The following SPATA22 variants were observed in gnomAD, a reference collection of about 807,000 sequenced individuals.
SPATA22 encodes spermatogenesis-associated protein 22.
In SPATA22, 29 loss-of-function variants were observed where a neutral mutation model predicts 47.8. The ratio of observed to expected loss-of-function variants is 0.61; its 90% confidence interval spans 0.45 to 0.83. The LOEUF is 0.83. SPATA22 is among the 40% of genes least tolerant of loss of function. SPATA22 has a pLI of 0.00. For missense variants in SPATA22, 410 were observed against 421.7 expected (o/e 0.97, Z 0.24); for synonymous variants, 133 against 140.9 (o/e 0.94, Z 0.40).
At chr17:3,465,154 TG>T (rs779866163) in intron 3 of SPATA22, among the ~76,000 whole-genome samples, 3 of 117,536 alleles carry the variant, frequency 2.6e-5, no homozygotes, top group Admixed American at 8.2e-5. Context: ...GGGAGGGAGG[TG>T]GGGGGGTCAG....
In SPATA22 at chr17:3,471,682, A is replaced by G. The variant is rs1452572738; in HGVS notation, c.-74T>C. ...TGGGGGCAGTTTGGTATCAACGCAC[A>G]GTCTTTCCCTTCTAGGCCCTCCTGC... On this transcript the variant is annotated splice_region_variant and 5_prime_UTR_variant, in exon 1 of 9. Transcript: ENST00000572969. The G allele has an allele frequency of 1.0e-6, 1 of 984,518 alleles. No homozygotes were observed. 61.0% of individuals were successfully genotyped at this position (984,518 alleles called of 1,614,324 possible).
rs2073629527 is a variant in SPATA22, at chr17:3,481,630, T to C, written c.-73-12232A>G. On this transcript the variant is annotated intron_variant, in intron 1 of 8. Transcript: ENST00000541913. Reference sequence around the variant, plus strand: ...AAAAAATGTCAGAAGATTTGCCATATGAAGTGAGAAGGGCTCAAGAAATAA... The same window carrying C: ...AAAAAATGTCAGAAGATTTGCCATACGAAGTGAGAAGGGCTCAAGAAATAA... 6.2e-7 allele frequency: 1 copy of C among 1,613,692 alleles called. No homozygotes were observed. The highest frequency in any genetic ancestry group is 1.3e-5 in the African/African-American group (1 of 74,928).
intron 1 of SPATA22, 24 bp downstream of exon 1, chr17:3,471,657 TG>T: frequency 1.0e-6 from 1 of 983,878 alleles, no homozygotes. Context: ...GCCCACGGAG[TG>T]GGGGCAGTTT....
chr17:3,476,125 G>A, upstream of SPATA22: 1 of 1,581,560 alleles, frequency 6.3e-7, no homozygotes, highest in Admixed American at 1.7e-5. Flanking sequence ...TCTCTCTTCT[G>A]AATTGCAGAA....
At chr17:3,446,219 G>A (rs1341364348) in intron 7 of SPATA22, among the ~76,000 whole-genome samples, 2 of 152,052 alleles carry the variant, frequency 1.3e-5, no homozygotes, top group Admixed American at 6.6e-5. Context: ...GCCATATAAG[G>A]TAGCATTCAC....
intron 1 of SPATA22, chr17:3,512,649 C>T (rs2074128527): frequency 6.6e-6 from 1 of 152,014 alleles, no homozygotes; most frequent in Non-Finnish European, 1.5e-5. Context: ...GCCCCAGTCA[C>T]CTGGAAAATC....
At position 3,443,231 on chromosome 17, in the gene SPATA22, C is replaced by A; in HGVS notation, c.843G>T (p.Ser281=). The change falls in exon 8 of 9, where the codon TCG becomes TCT. Residue 281 remains serine (S), a synonymous_variant. Transcript: ENST00000572969. The part of the protein sequence containing the change: ...DSAVTPGPYY[S]KTFLMRDGKN... ...TCCCATCCCTCATAAGAAAAGTCTT[C>A]GAATAATATGGGCCAGGTGTAACAG... 6.2e-7 allele frequency: 1 copy of A among 1,610,154 alleles called. No individual in the cohort carries two copies.
chr17:3,450,660 C>G (rs541474485), intron 5 of SPATA22, among the ~76,000 whole-genome samples: 1 of 152,232 alleles, frequency 6.6e-6, no homozygotes, highest in South Asian at 2.1e-4. Context: ...ATAAAGAGAA[C>G]AGAAACACAA....
rs138758033 is a variant in SPATA22, at chr17:3,443,147, C to G, written c.900+27G>C. 1,301 of 1,488,722 alleles carry G rather than the reference C, an allele frequency of 8.7e-4. 11 individuals carry two copies. The African/African-American group carries it at 0.016, about 18-fold the overall frequency. The allele number at this position is 1,488,722 out of a possible 1,614,324, so 92.2% of individuals were successfully genotyped here. ...GTTTATATTCTGTTGACATAGGCTT[C>G]GCAAAGAGTACTTTAAAAATACTCA... is the stretch of plus-strand genomic sequence containing the variant. On this transcript the variant is annotated intron_variant, in intron 8 of 8. Coordinates refer to ENST00000572969, the MANE Select transcript of SPATA22 (RefSeq NM_001170698.2).
Position 3,462,691 on chromosome 17 carries a change from A to G in SPATA22, c.233+16T>C, listed in dbSNP as rs1431362088. 2.5e-6 allele frequency: 4 copies of G among 1,607,704 alleles called. No homozygotes were observed. In the African/African-American group the frequency reaches 5.3e-5, roughly 21 times the overall value. The stretch of plus-strand genomic sequence containing the variant: ...GTAACAGACACACATCCAATGGTTT[A>G]TATTTCTCCACATACCCGGTGTCCA... On this transcript the variant is annotated intron_variant, in intron 4 of 8. Transcript: ENST00000572969.
intron 1 of SPATA22, among the ~76,000 whole-genome samples, chr17:3,506,986 A>AGAAGGAAGGAAGGGAGGGAGGAAG (rs60257580): frequency 7.1e-5 from 10 of 140,944 alleles, no homozygotes; most frequent in African/African-American, 2.5e-4. Flanking sequence ...GAAGGAAAAG[A>AGAAGGAAGGAAGGGAGGGAGGAAG]GAAGGAAGGG....
At chr17:3,507,268 T>C (rs145794329) in intron 1 of SPATA22, among the ~76,000 whole-genome samples, 5 of 152,134 alleles carry the variant, frequency 3.3e-5, no homozygotes, top group South Asian at 4.1e-4. Context: ...ATGAAAGAAA[T>C]AGAACAGCTG....
intron 3 of SPATA22, among the ~76,000 whole-genome samples, chr17:3,465,169 C>A (rs2073266310): frequency 7.2e-6 from 1 of 138,280 alleles, no homozygotes; most frequent in African/African-American, 2.7e-5. Context: ...GGGTCAGCCC[C>A]CCGCCCGGCC....
At chr17:3,494,334 A>G in intron 1 of SPATA22, 1 of 1,572,190 alleles carries the variant, frequency 6.4e-7, no homozygotes, top group East Asian at 2.2e-5. Flanking sequence ...ATTGATACAT[A>G]TTGTTTTTGT....
At chr17:3,483,387 C>G in intron 1 of SPATA22, 1 of 888,006 alleles carries the variant, frequency 1.1e-6, no homozygotes, top group Admixed American at 1.8e-5. Context: ...AGCTGTCTTA[C>G]CAATCTTAGT....
Position 3,462,576 on chromosome 17 carries a change from T to C in SPATA22, c.236A>G (p.Gln79Arg). 2 of 1,612,126 alleles carry C rather than the reference T, an allele frequency of 1.2e-6. No individual in the cohort carries two copies. The highest frequency in any genetic ancestry group is 1.7e-6 in the Non-Finnish European group (2 of 1,178,708). ...AGGACGAGAAACTGAATGTGGTATTTGCCTTTCAAGGGAATATGTCTTGTT... is the reference window on the plus strand; with the variant it reads ...AGGACGAGAAACTGAATGTGGTATTCGCCTTTCAAGGGAATATGTCTTGTT... ...APVMKTVDTG[Q>R]IPHSVSRPLR... The change falls in exon 5 of 9, where the codon CAA becomes CGA. Residue 79 changes from glutamine (Q) to arginine (R), a missense_variant and splice_region_variant. Physicochemically the swap from Gln to Arg is conservative, Grantham distance 43. Coordinates refer to ENST00000572969, the MANE Select transcript of SPATA22 (RefSeq NM_001170698.2).
chr17:3,469,612 G>A (rs1045379682), intron 1 of SPATA22, among the ~76,000 whole-genome samples: 5 of 152,096 alleles, frequency 3.3e-5, no homozygotes, highest in African/African-American at 1.2e-4. Context: ...ACCTTGCTTC[G>A]TAAACATATG....
At position 3,469,310 on chromosome 17, in the gene SPATA22, T is replaced by C; in HGVS notation, c.16A>G (p.Asn6Asp). ...GCTGTACTTCGAGCTGAATTTTCAT[T>C]TAGGCTTCGCTTCATTTCCTTCAAT... MKRSL[N>D]ENSARSTAGC... is the part of the protein sequence containing the mutation. Residue 6 changes from asparagine to aspartate, a missense_variant, in exon 2 of 9, where the codon AAT becomes GAT. Coordinates refer to ENST00000572969, the MANE Select transcript of SPATA22 (RefSeq NM_001170698.2). The C allele has an allele frequency of 6.4e-7, 1 of 1,570,160 alleles. No individual in the cohort carries two copies.
chr17:3,505,362 C>T (rs908344961), intron 1 of SPATA22, among the ~76,000 whole-genome samples: 6 of 152,236 alleles, frequency 3.9e-5, no homozygotes, highest in Non-Finnish European at 7.3e-5. Flanking sequence ...CAGCACTTCA[C>T]GCATAGAAGG....
Sources: gnomAD v4.1 joint callset for allele counts (sites outside exome capture counted in the v4.1 genomes callset) on GRCh38, gnomAD v4.1.1 for gene constraint, MANE v1.5 for transcripts, NCBI Gene and HGNC (gene_info 2026-07-23, HGNC 2026-07-21) for gene names.